The following MYBL2 variants were observed in gnomAD, a reference collection of about 807,000 sequenced individuals.
MYBL2 encodes myb-related protein B.
Under a neutral mutation model 79.9 loss-of-function variants are expected in MYBL2, and 28 were observed. The observed-to-expected ratio is 0.35, with a 90% CI of 0.26 to 0.48. MYBL2 has a LOEUF of 0.48. MYBL2 is among the 20% of genes least tolerant of loss of function. The pLI, the probability that MYBL2 is intolerant of heterozygous loss-of-function variation, is 0.99. For synonymous variants in MYBL2, 378 were observed against 361.2 expected, an observed-to-expected ratio of 1.05 and a Z score of -0.53; for missense variants, 735 against 893.9, an observed-to-expected ratio of 0.82 and a Z score of 2.27.
chr20:43,716,319 T>G lies in MYBL2; in HGVS notation c.*232T>G. ...AAGTTCCACTTCCAGGTCTGCCTGG[T>G]TCCCTCCCCAAGGCCACAGGGAGCT... is the stretch of plus-strand genomic sequence containing the variant. On this transcript the variant is annotated 3_prime_UTR_variant, in exon 14 of 14. Coordinates refer to ENST00000217026, the MANE Select transcript of MYBL2 (RefSeq NM_002466.4). 1 of 577,012 alleles carries G rather than the reference T, an allele frequency of 1.7e-6. No homozygotes were observed. Among genetic ancestry groups the G allele is most frequent in the Non-Finnish European group, 2.9e-6 (1 of 346,258 alleles). 35.7% of individuals were successfully genotyped at this position (577,012 alleles called of 1,614,324 possible).
In MYBL2 at chr20:43,673,838, C is replaced by T. The variant is rs1986928834; in HGVS notation, c.53C>T (p.Thr18Ile). 1 of 1,561,196 alleles carries T rather than the reference C, an allele frequency of 6.4e-7. No individual in the cohort carries two copies. The highest frequency in any genetic ancestry group is 1.2e-5 in the South Asian group (1 of 84,864). The change falls in exon 2 of 14, where the codon ACA becomes ATA. Residue 18 changes from threonine (T) to isoleucine (I), a missense_variant. Thr to Ile is a moderately conservative substitution (Grantham distance 89). This residue lies in a region of MYBL2 where 79 missense variants were observed against 86.7 expected (regional missense o/e 0.91). Coordinates refer to ENST00000217026, the MANE Select transcript of MYBL2 (RefSeq NM_002466.4). ...CTGGATGAGCTGCACTACCAGGACACAGATTCAGATGTGCCGGAGCAGAGG... is the reference window on the plus strand; with the variant it reads ...CTGGATGAGCTGCACTACCAGGACATAGATTCAGATGTGCCGGAGCAGAGG... ...EDLDELHYQD[T>I]DSDVPEQRDS... is the part of the protein sequence containing the mutation.
At chr20:43,669,964 C>T (rs1175284381) in intron 1 of MYBL2, among the ~76,000 whole-genome samples, 6 of 152,134 alleles carry the variant, frequency 3.9e-5, no homozygotes, top group Non-Finnish European at 4.4e-5. Flanking sequence ...ATTAGCCGGG[C>T]GTGGTGGTAG....
chr20:43,668,277 T>A (rs1289665906), intron 1 of MYBL2, among the ~76,000 whole-genome samples: 1 of 143,194 alleles, frequency 7.0e-6, no homozygotes, highest in Non-Finnish European at 1.5e-5. Context: ...CTTGGCTCAC[T>A]GCAACCTCCG....
At chr20:43,679,347 A>G (rs1296569365) in intron 2 of MYBL2, among the ~76,000 whole-genome samples, 1 of 152,170 alleles carries the variant, frequency 6.6e-6, no homozygotes, top group Non-Finnish European at 1.5e-5. Flanking sequence ...AAACCACCTC[A>G]CTTTAAATTT....
intron 6 of MYBL2, among the ~76,000 whole-genome samples, chr20:43,695,440 G>GT (rs1169794514): frequency 1.3e-5 from 2 of 152,250 alleles, no homozygotes; most frequent in African/African-American, 4.8e-5. Flanking sequence ...GGTATTACTG[G>GT]TTTTTTGTTA....
Position 43,686,636 on chromosome 20 carries a change from T to C in MYBL2, c.280-216T>C, listed in dbSNP as rs537111632. ...CTTGGCCTAGATTTATTCCAGGCAA[T>C]AAATGAGAGGGATGCGGTCAGATCC... On this transcript the variant is annotated intron_variant, in intron 4 of 13. Transcript: ENST00000217026. Among the ~76,000 whole-genome samples the C allele has an allele frequency of 4.2e-4, 64 of 152,216 alleles. 2 individuals are homozygous for C. The South Asian group carries it at 0.013, about 31-fold the overall frequency.
chr20:43,679,000 T>C lies in MYBL2; in HGVS notation c.115-2784T>C, dbSNP rs117779753. Among the ~76,000 whole-genome samples, 875 of 152,056 alleles carry C rather than the reference T, an allele frequency of 5.8e-3. 21 individuals carry two copies. In the East Asian group the frequency reaches 0.072, roughly 12 times the overall value. On this transcript the variant is annotated intron_variant, in intron 2 of 13. Coordinates refer to ENST00000217026, the MANE Select transcript of MYBL2 (RefSeq NM_002466.4). The stretch of plus-strand genomic sequence containing the variant: ...CAGTGCGGGGATGGAGCTGACCACG[T>C]TGGGGAGTCCCAGGGTGGGTGGGAA...
intron 9 of MYBL2, among the ~76,000 whole-genome samples, chr20:43,707,106 G>C (rs1250582485): frequency 6.6e-6 from 1 of 151,654 alleles, no homozygotes; most frequent in Non-Finnish European, 1.5e-5. Flanking sequence ...CTTGAGCCCA[G>C]GAGTTTGAAG....
intron 1 of MYBL2, among the ~76,000 whole-genome samples, chr20:43,671,919 T>C (rs1175253334): frequency 1.3e-5 from 2 of 151,552 alleles, no homozygotes; most frequent in East Asian, 3.9e-4. Flanking sequence ...TAGAAGATAT[T>C]GTACACTGGG....
intron 9 of MYBL2, 105 bp from the exon 10 acceptor site, chr20:43,709,858 T>C: frequency 2.2e-6 from 2 of 921,586 alleles, no homozygotes; most frequent in Non-Finnish European, 3.3e-6. Flanking sequence ...CGAGAACCTG[T>C]GCTGGGGCCA....
intron 6 of MYBL2, among the ~76,000 whole-genome samples, chr20:43,693,497 C>T (rs1336932111): frequency 6.6e-6 from 1 of 152,064 alleles, no homozygotes; most frequent in Non-Finnish European, 1.5e-5. Flanking sequence ...CACCACCATG[C>T]CTGGCTAATT....
chr20:43,713,813 G>GT (rs1456677321), intron 12 of MYBL2, among the ~76,000 whole-genome samples: 1 of 152,194 alleles, frequency 6.6e-6, no homozygotes, highest in Non-Finnish European at 1.5e-5. Context: ...CAGAAAGGGG[G>GT]TTGTTGCCTG....
At chr20:43,693,481 G>T (rs6103421) in intron 6 of MYBL2, among the ~76,000 whole-genome samples, 1 of 152,064 alleles carries the variant, frequency 6.6e-6, no homozygotes, top group Non-Finnish European at 1.5e-5. Flanking sequence ...TGGGATTACA[G>T]GTGCACACCA....
intron 2 of MYBL2, among the ~76,000 whole-genome samples, chr20:43,675,906 A>G (rs1285661733): frequency 3.2e-5 from 2 of 63,120 alleles, no homozygotes; most frequent in East Asian, 8.8e-4. Context: ...GGTACCCAAT[A>G]GGTAGTTTTT....
Position 43,702,625 on chromosome 20 carries a change from G to C in MYBL2, c.1087G>C (p.Ala363Pro). ...QQVLPPRQPS[A>P]LVPSVTEYRL... ...AGTCCTGCCACCCCGCCAGCCTTCC[G>C]CCCTGGTGCCCAGTGTGACCGAGTA... Residue 363 changes from alanine (A) to proline (P), a missense_variant, in exon 8 of 14, where the codon GCC becomes CCC. Ala to Pro is a conservative substitution (Grantham distance 27). Transcript: ENST00000217026. 6.2e-7 allele frequency: 1 copy of C among 1,614,004 alleles called. No individual in the cohort carries two copies. The highest frequency in any genetic ancestry group is 1.3e-5 in the African/African-American group (1 of 75,032).
intron 9 of MYBL2, among the ~76,000 whole-genome samples, chr20:43,706,719 G>GTTGTTTTTTTTTT (rs1987791382): frequency 5.7e-5 from 4 of 70,782 alleles, no homozygotes; most frequent in African/African-American, 1.2e-4. Flanking sequence ...AAAAAAAAAA[G>GTTGTTTTTTTTTT]TTTTTTTTTT....
chr20:43,690,140 G>A (rs544276855), intron 5 of MYBL2, among the ~76,000 whole-genome samples: 55 of 152,156 alleles, frequency 3.6e-4, no homozygotes, highest in African/African-American at 9.4e-4. Flanking sequence ...GTGTACATGG[G>A]TTGGGGAACT....
Position 43,704,907 on chromosome 20 carries a change from GAGA to G in MYBL2, c.1366-309_1366-307del, listed in dbSNP as rs1987745895. ...GTTCAGAGCTAGTTTTATTTCTTCT[GAGA>G]AGGAGCCACTCTCCCACAGTTGGCT... On this transcript the variant is annotated intron_variant, in intron 8 of 13. Coordinates refer to ENST00000217026, the MANE Select transcript of MYBL2 (RefSeq NM_002466.4). 2.6e-5 allele frequency among the ~76,000 whole-genome samples: 4 copies of G among 152,282 alleles called. No individual in the cohort carries two copies. The South Asian group carries it at 8.3e-4, about 32-fold the overall frequency.
At position 43,682,976 on chromosome 20, in the gene MYBL2, G is replaced by T. The variant is rs1189316991; in HGVS notation, c.279+90G>T. The T allele has an allele frequency of 4.7e-6, 6 of 1,271,378 alleles. No homozygotes were observed. In the South Asian group the frequency reaches 7.2e-5, roughly 15 times the overall value. The allele number at this position is 1,271,378 out of a possible 1,614,324, so 78.8% of individuals were successfully genotyped here. A position where few individuals can be genotyped will look rare whatever the true frequency, so the allele number is the denominator to read the frequency against. On this transcript the variant is annotated intron_variant, in intron 4 of 13. Coordinates refer to ENST00000217026, the MANE Select transcript of MYBL2 (RefSeq NM_002466.4). ...GAGATTGCCTTGTGTTGGGGTTGGG[G>T]GTGTCAAGCTGAGCATTGGGTGTGA...
Sources: allele counts gnomAD v4.1 joint callset (sites outside exome capture counted in the v4.1 genomes callset), GRCh38; gene constraint gnomAD v4.1.1; regional missense constraint gnomAD v4.1.1; transcripts MANE v1.5; gene names NCBI Gene and HGNC (gene_info 2026-07-23, HGNC 2026-07-21).